The following CLSTN2 variants were observed in gnomAD, a reference collection of about 807,000 sequenced individuals.
The protein encoded by CLSTN2 is calsyntenin-2.
Under a neutral mutation model 101.2 loss-of-function variants are expected in CLSTN2, and 48 were observed. That is an observed-to-expected ratio of 0.47 (90% CI 0.38 to 0.60). The LOEUF is 0.60. Among genes scored for constraint, CLSTN2 ranks in the 20% least tolerant of loss-of-function variants. The pLI, the probability that CLSTN2 is intolerant of heterozygous loss-of-function variation, is 0.00. For synonymous variants in CLSTN2, 481 were observed against 463.6 expected (o/e 1.04, Z -0.48); for missense variants, 1,160 against 1,238.2 (o/e 0.94, Z 0.95).
intron 7 of CLSTN2, chr3:140,460,199 T>C (rs1445740322): frequency 5.4e-6 from 1 of 186,636 alleles, no homozygotes; most frequent in African/African-American, 2.3e-5. Context: ...AAAGTACTGC[T>C]AATTTAGAAT....
intron 1 of CLSTN2, among the ~76,000 whole-genome samples, chr3:140,063,020 C>G (rs2008233004): frequency 6.6e-6 from 1 of 152,150 alleles, no homozygotes; most frequent in Non-Finnish European, 1.5e-5. Context: ...TTCCTTCACA[C>G]ATTAAGTGAC....
intron 2 of CLSTN2, among the ~76,000 whole-genome samples, chr3:140,344,471 C>T (rs1285028159): frequency 6.6e-6 from 1 of 152,178 alleles, no homozygotes; most frequent in African/African-American, 2.4e-5. Flanking sequence ...TAAATATTTC[C>T]TGAAGAGTAA....
At chr3:140,147,130 C>A (rs995659299) in intron 1 of CLSTN2, among the ~76,000 whole-genome samples, 23 of 152,170 alleles carry the variant, frequency 1.5e-4, no homozygotes, top group African/African-American at 4.8e-4. Flanking sequence ...TAGATAGTAA[C>A]AAGGAAATAC....
At chr3:140,014,918 T>A (rs1057088041) in intron 1 of CLSTN2, among the ~76,000 whole-genome samples, 1 of 152,358 alleles carries the variant, frequency 6.6e-6, no homozygotes, top group Admixed American at 6.5e-5. Context: ...CTTTGGCTCC[T>A]CTGTGTCAAG....
chr3:140,289,868 A>G (rs145034387), intron 2 of CLSTN2, among the ~76,000 whole-genome samples: 2 of 151,998 alleles, frequency 1.3e-5, no homozygotes, highest in East Asian at 3.9e-4. Flanking sequence ...ATAAAATTTT[A>G]TAAGGATTCT....
chr3:140,187,113 C>A (rs991152514), intron 2 of CLSTN2, among the ~76,000 whole-genome samples: 1 of 152,158 alleles, frequency 6.6e-6, no homozygotes, highest in African/African-American at 2.4e-5. Flanking sequence ...AGGTGAGACA[C>A]CAGGTATAAC....
intron 2 of CLSTN2, among the ~76,000 whole-genome samples, chr3:140,294,546 A>G (rs1263972239): frequency 6.6e-6 from 1 of 150,756 alleles, no homozygotes; most frequent in Non-Finnish European, 1.5e-5. Flanking sequence ...AAGGCAAGTT[A>G]TATGGCCTCC....
At chr3:139,982,772 T>C (rs1003048776) in intron 1 of CLSTN2, among the ~76,000 whole-genome samples, 1 of 151,966 alleles carries the variant, frequency 6.6e-6, no homozygotes, top group African/African-American at 2.4e-5. Flanking sequence ...TAGAGAAAAA[T>C]CATTATAGAC....
At chr3:140,527,120 A>G (rs1405870943) in intron 8 of CLSTN2, among the ~76,000 whole-genome samples, 1 of 152,220 alleles carries the variant, frequency 6.6e-6, no homozygotes, top group Non-Finnish European at 1.5e-5. Context: ...CTTCATAGCA[A>G]AAGAATTTAT....
At chr3:139,948,023 C>T (rs1935239707) in intron 1 of CLSTN2, among the ~76,000 whole-genome samples, 1 of 152,036 alleles carries the variant, frequency 6.6e-6, no homozygotes, top group Admixed American at 6.6e-5. Context: ...CTACTTTGTC[C>T]CAATGGCCAC....
At chr3:139,950,893 A>G (rs1036604853) in intron 1 of CLSTN2, among the ~76,000 whole-genome samples, 1 of 152,224 alleles carries the variant, frequency 6.6e-6, no homozygotes, top group African/African-American at 2.4e-5. Flanking sequence ...AACAGCTTAC[A>G]GATGCAAACA....
rs2010491539 is a variant in CLSTN2 at position 140,186,815 on chromosome 3, A to T, written c.232+10742A>T. 3.3e-5 allele frequency among the ~76,000 whole-genome samples: 5 copies of T among 152,106 alleles called. No individual in the cohort carries two copies. The South Asian group carries it at 1.0e-3, about 32-fold the overall frequency. The stretch of plus-strand genomic sequence containing the variant: ...TGGGTGGCTGTGACTTCATTGAAAT[A>T]CAATTTGTGTATTTTTTTTAATGGA... On this transcript the variant is annotated intron_variant, in intron 2 of 16. Coordinates refer to ENST00000458420, the MANE Select transcript of CLSTN2 (RefSeq NM_022131.3).
chr3:140,163,312 G>A (rs924876717), intron 1 of CLSTN2, among the ~76,000 whole-genome samples: 1 of 151,962 alleles, frequency 6.6e-6, no homozygotes, highest in Non-Finnish European at 1.5e-5. Flanking sequence ...CAAGATTGCA[G>A]CATCAACTTC....
chr3:140,160,882 A>G (rs2010035724), intron 1 of CLSTN2, among the ~76,000 whole-genome samples: 1 of 152,174 alleles, frequency 6.6e-6, no homozygotes, highest in African/African-American at 2.4e-5. Context: ...CAAGATCAAA[A>G]TGATTTTCAT....
intron 2 of CLSTN2, among the ~76,000 whole-genome samples, chr3:140,207,643 G>T (rs761348735): frequency 6.1e-4 from 93 of 152,200 alleles, no homozygotes; most frequent in Non-Finnish European, 9.0e-4. Flanking sequence ...AGGGTAAATA[G>T]AATATCCTGT....
At chr3:140,528,656 A>G (rs769437966) in intron 8 of CLSTN2, among the ~76,000 whole-genome samples, 20 of 143,516 alleles carry the variant, frequency 1.4e-4, no homozygotes, top group Non-Finnish European at 2.7e-4. Flanking sequence ...ATGAATGAAT[A>G]GAGGAATAAG....
At chr3:140,435,859 G>C (rs1320560386) in intron 5 of CLSTN2, among the ~76,000 whole-genome samples, 1 of 152,166 alleles carries the variant, frequency 6.6e-6, no homozygotes, top group Admixed American at 6.5e-5. Context: ...TTTCCCATTT[G>C]TAGGTCTTCT....
intron 7 of CLSTN2, 31 bp from the exon 8 acceptor site, chr3:140,466,579 T>A: frequency 6.2e-7 from 1 of 1,613,886 alleles, no homozygotes; most frequent in African/African-American, 1.3e-5. Context: ...AGGGGTTCTC[T>A]CACTCTTCAA....
At chr3:140,271,909 C>T (rs531805611) in intron 2 of CLSTN2, among the ~76,000 whole-genome samples, 2 of 152,296 alleles carry the variant, frequency 1.3e-5, no homozygotes, top group East Asian at 1.9e-4. Flanking sequence ...TGGCTTAAGC[C>T]GATGAACACT....
Sources: allele counts gnomAD v4.1 joint callset (sites outside exome capture counted in the v4.1 genomes callset), GRCh38; gene constraint gnomAD v4.1.1; transcripts MANE v1.5; gene names NCBI Gene and HGNC (gene_info 2026-07-23, HGNC 2026-07-21).